The following ARMC2 variants were observed in gnomAD, a reference collection of about 807,000 sequenced individuals.
ARMC2 encodes armadillo repeat-containing protein 2.
Under a neutral mutation model 90.3 loss-of-function variants are expected in ARMC2, and 67 were observed. The observed-to-expected ratio is 0.74, with a 90% CI of 0.61 to 0.91. The LOEUF (loss-of-function observed/expected upper bound fraction) is 0.91, where lower values mean the gene tolerates loss of function less well. ARMC2 is among the 40% of genes least tolerant of loss of function. The pLI, the probability that ARMC2 is intolerant of heterozygous loss-of-function variation, is 0.00. For missense variants in ARMC2, 920 were observed against 1,030.9 expected (o/e 0.89, Z 1.47); for synonymous variants, 393 against 393.0 (o/e 1.00, Z 0.00).
In ARMC2 at chr6:108,868,906, T is replaced by C. The variant is rs917788344; in HGVS notation, c.374T>C (p.Ile125Thr). 3 of 1,613,896 alleles carry C rather than the reference T, an allele frequency of 1.9e-6. No homozygotes were observed. The highest frequency in any genetic ancestry group is 1.3e-5 in the African/African-American group (1 of 74,934). ...AAGCCCCCAGTGGACCCTGCGAAGA[T>C]TAGAAGAGTAAGCAACGCCAGGGCT... is the stretch of plus-strand genomic sequence containing the variant. The part of the protein sequence containing the change: ...FPKPPVDPAK[I>T]RRVSNARARL... The change falls in exon 4 of 18, where the codon ATT (isoleucine) becomes ACT (threonine). Residue 125 changes from isoleucine (I) to threonine (T), a missense_variant. By Grantham distance (89) the Ile-to-Thr change is moderately conservative. Coordinates refer to ENST00000392644, the MANE Select transcript of ARMC2 (RefSeq NM_032131.6).
chr6:108,904,184 T>G, intron 7 of ARMC2, 46 bp from the exon 8 acceptor site: 4 of 1,595,056 alleles, frequency 2.5e-6, no homozygotes, highest in Non-Finnish European at 3.4e-6. Context: ...ACTTGGAAAC[T>G]TAACCTTAAT....
the ARMC2 span, among the ~76,000 whole-genome samples, chr6:109,028,413 G>C: frequency 6.6e-6 from 1 of 152,062 alleles, no homozygotes; most frequent in Admixed American, 6.5e-5. Flanking sequence ...CTAATTTGTT[G>C]TTGTTGTTAT....
Position 108,962,068 on chromosome 6 carries a change from G to A in ARMC2, c.2093G>A (p.Arg698His), listed in dbSNP as rs746967292. 1.9e-5 allele frequency: 30 copies of A among 1,613,502 alleles called. No individual in the cohort carries two copies. The highest frequency in any genetic ancestry group is 4.5e-5 in the East Asian group (2 of 44,884). The change falls in exon 15 of 18, where the codon CGT (arginine) becomes CAT (histidine). Residue 698 changes from arginine to histidine, a missense_variant. By Grantham distance (29) the Arg-to-His change is conservative. Transcript: ENST00000392644. ...ATGGATGGAATCCTGGAGGCTGTGCGTGTTTTCGGAAATCTCTCCCAGGAC... is the reference window on the plus strand; with the variant it reads ...ATGGATGGAATCCTGGAGGCTGTGCATGTTTTCGGAAATCTCTCCCAGGAC... The part of the protein sequence containing the change: ...NNMDGILEAV[R>H]VFGNLSQDHD...
At chr6:108,860,953 A>G (rs1775175090) in intron 3 of ARMC2, among the ~76,000 whole-genome samples, 1 of 152,208 alleles carries the variant, frequency 6.6e-6, no homozygotes, top group Non-Finnish European at 1.5e-5. Flanking sequence ...ATCCATGTTT[A>G]TAATAAGTAC....
the ARMC2 span, among the ~76,000 whole-genome samples, chr6:109,024,175 G>A: frequency 6.6e-6 from 1 of 152,138 alleles, no homozygotes; most frequent in Non-Finnish European, 1.5e-5. Flanking sequence ...CATATGTACT[G>A]TATTCAGTGG....
chr6:108,993,047 T>C, the ARMC2 span: 1 of 583,022 alleles, frequency 1.7e-6, no homozygotes, highest in Non-Finnish European at 3.0e-6. Flanking sequence ...ACAAAGTAGT[T>C]TACTTGCTAG....
At chr6:108,873,971 T>C (rs1776685264) in intron 4 of ARMC2, among the ~76,000 whole-genome samples, 1 of 152,252 alleles carries the variant, frequency 6.6e-6, no homozygotes, top group African/African-American at 2.4e-5. Context: ...AAGAGCCTAT[T>C]ACAGGGTGTG....
the ARMC2 span, among the ~76,000 whole-genome samples, chr6:109,020,856 A>G: frequency 6.6e-6 from 1 of 152,204 alleles, no homozygotes; most frequent in South Asian, 2.1e-4. Context: ...TTCTGTGACT[A>G]TCATCATGAA....
rs567453245 is a variant in ARMC2, at chr6:108,927,448, A to G, written c.1351-640A>G. ...GTAGTGTCCCACAAGGAAGGAGCAC[A>G]CTGCATATTAAAATTATTAGATAAC... is the stretch of plus-strand genomic sequence containing the variant. On this transcript the variant is annotated intron_variant, in intron 10 of 17. Transcript: ENST00000392644. 1.0e-3 allele frequency among the ~76,000 whole-genome samples: 157 copies of G among 152,354 alleles called. 3 individuals are homozygous for G. The highest frequency in any genetic ancestry group is 1.2e-3 in the Non-Finnish European group (81 of 68,034).
At chr6:108,991,924 C>T in the ARMC2 span, among the ~76,000 whole-genome samples, 5 of 152,294 alleles carry the variant, frequency 3.3e-5, no homozygotes, top group East Asian at 1.9e-4. Flanking sequence ...TATCCCTCAA[C>T]CTAAGCTTAA....
intron 13 of ARMC2, among the ~76,000 whole-genome samples, chr6:108,960,237 C>G (rs1016295985): frequency 6.6e-6 from 1 of 152,204 alleles, no homozygotes; most frequent in African/African-American, 2.4e-5. Context: ...GATTCCTCTC[C>G]CTCACACCCC....
intron 17 of ARMC2, among the ~76,000 whole-genome samples, chr6:108,968,251 A>G (rs1401117111): frequency 1.3e-5 from 2 of 152,196 alleles, no homozygotes; most frequent in Admixed American, 6.5e-5. Context: ...AGATACGGAA[A>G]GTAGGTTTTA....
At position 108,899,768 on chromosome 6, in the gene ARMC2, C is replaced by T. The variant is rs376954088; in HGVS notation, c.823C>T (p.Pro275Ser). Reference sequence around the variant, plus strand: ...AGTCTTTTGGAATACAAGGATTGTACCGATTTTGCGTGAATTAGAAAAGGG... The same window carrying T: ...AGTCTTTTGGAATACAAGGATTGTATCGATTTTGCGTGAATTAGAAAAGGG... ...DEVFWNTRIV[P>S]ILRELEKEEN... Residue 275 changes from proline to serine, a missense_variant, in exon 7 of 18, where the codon CCG becomes TCG. Transcript: ENST00000392644. The T allele has an allele frequency of 2.5e-6, 4 of 1,612,986 alleles. No homozygotes were observed. Among genetic ancestry groups the T allele is most frequent in the Non-Finnish European group, 3.4e-6 (4 of 1,179,574 alleles).
chr6:108,962,177 C>A, intron 15 of ARMC2, 50 bp downstream of exon 15: 2 of 1,407,450 alleles, frequency 1.4e-6, no homozygotes, highest in South Asian at 2.5e-5. Context: ...TGCCAATAAT[C>A]AGCTGAGTGG....
chr6:109,028,743 G>A, the ARMC2 span, among the ~76,000 whole-genome samples: 10 of 152,228 alleles, frequency 6.6e-5, no homozygotes, highest in African/African-American at 2.2e-4. Context: ...TAATTGCCCC[G>A]ATCTCAGAAC....
chr6:108,927,651 C>G (rs74342941), intron 10 of ARMC2, among the ~76,000 whole-genome samples: 2,608 of 150,602 alleles, frequency 0.017, 60 homozygotes, highest in Admixed American at 0.069. Flanking sequence ...CCACATCATT[C>G]ATTATCTGAT....
intron 5 of ARMC2, among the ~76,000 whole-genome samples, chr6:108,886,795 G>T (rs575308811): frequency 6.6e-6 from 1 of 151,930 alleles, no homozygotes; most frequent in East Asian, 1.9e-4. Context: ...AGCTCTTTAG[G>T]GAAAAAGCTT....
At chr6:108,856,160 A>G (rs1774580035) in intron 2 of ARMC2, among the ~76,000 whole-genome samples, 1 of 152,062 alleles carries the variant, frequency 6.6e-6, no homozygotes, top group Non-Finnish European at 1.5e-5. Flanking sequence ...GTCCTATGTT[A>G]TATTTTAGAG....
chr6:108,971,619 C>T (rs1485888827), intron 17 of ARMC2, among the ~76,000 whole-genome samples: 1 of 151,720 alleles, frequency 6.6e-6, no homozygotes, highest in Non-Finnish European at 1.5e-5. Flanking sequence ...TTTTCATTGG[C>T]CCTTAAAAAA....
Sources: allele counts gnomAD v4.1 joint callset (sites outside exome capture counted in the v4.1 genomes callset), GRCh38; gene constraint gnomAD v4.1.1; transcripts MANE v1.5; gene names NCBI Gene and HGNC (gene_info 2026-07-23, HGNC 2026-07-21).